SLC14A2: variants seen among roughly 807,000 people sequenced by gnomAD.
SLC14A2 encodes the protein solute carrier family 14 member 2, also known as urea transporter 2.
Under a neutral mutation model 104.6 loss-of-function variants are expected in SLC14A2, and 91 were observed. The observed-to-expected ratio is 0.87, with a 90% CI of 0.73 to 1.04. SLC14A2 has a LOEUF of 1.04. SLC14A2 is among the 50% of genes least tolerant of loss of function. The probability of loss-of-function intolerance (pLI) is 0.00; values close to 1 mark genes in which losing one functional copy is unlikely to be tolerated. For synonymous variants in SLC14A2, 476 were observed against 466.4 expected (o/e 1.02, Z -0.27); for missense variants, 1,189 against 1,156.0 (o/e 1.03, Z -0.41).
At chr18:45,651,176 T>C (rs575720633) in intron 10 of SLC14A2, among the ~76,000 whole-genome samples, 1 of 152,280 alleles carries the variant, frequency 6.6e-6, no homozygotes, top group African/African-American at 2.4e-5. Flanking sequence ...TGATCAATCA[T>C]TTGTATCTTA....
chr18:45,529,023 C>A (rs2043640565), intron 2 of SLC14A2: 1 of 152,232 alleles, frequency 6.6e-6, no homozygotes, highest in Admixed American at 6.5e-5. Flanking sequence ...GAAAGAGAGG[C>A]CACATGGAGT....
chr18:45,375,695 T>C (rs1457451745), intron 1 of SLC14A2, among the ~76,000 whole-genome samples: 1 of 152,208 alleles, frequency 6.6e-6, no homozygotes, highest in Non-Finnish European at 1.5e-5. Context: ...GTGAACCCAT[T>C]GGACAGTTAC....
At chr18:45,349,666 A>C (rs1004805381) in intron 1 of SLC14A2, among the ~76,000 whole-genome samples, 5 of 152,196 alleles carry the variant, frequency 3.3e-5, no homozygotes, top group Non-Finnish European at 7.3e-5. Flanking sequence ...AACATAACCC[A>C]TCTTGGTTAC....
intron 2 of SLC14A2, among the ~76,000 whole-genome samples, chr18:45,546,426 C>T (rs2043970131): frequency 6.6e-6 from 1 of 152,202 alleles, no homozygotes. Flanking sequence ...TGAATCGATG[C>T]AAACGAAATT....
In SLC14A2 at chr18:45,344,653, T is replaced by C. The variant is rs532275409; in HGVS notation, c.-125+131462T>C. Among the ~76,000 whole-genome samples, 7 of 152,286 alleles carry C rather than the reference T, an allele frequency of 4.6e-5. No individual in the cohort carries two copies. The East Asian group carries it at 9.6e-4, about 21-fold the overall frequency. ...TTGGAGTCAGTAAGGTACCTTATGA[T>C]AAATAAATCTCCTAATAGGGTCTTA... On this transcript the variant is annotated intron_variant, in intron 1 of 20. Coordinates refer to the SLC14A2 transcript ENST00000586448.
At chr18:45,322,058 A>C (rs2085190627) in intron 1 of SLC14A2, among the ~76,000 whole-genome samples, 1 of 152,170 alleles carries the variant, frequency 6.6e-6, no homozygotes, top group African/African-American at 2.4e-5. Flanking sequence ...CAGAACACAT[A>C]TTTAAAAGTT....
At chr18:45,494,302 A>G (rs2043053387) in intron 2 of SLC14A2, among the ~76,000 whole-genome samples, 1 of 152,200 alleles carries the variant, frequency 6.6e-6, no homozygotes, top group Admixed American at 6.5e-5. Flanking sequence ...ATCCTTCATC[A>G]TGTCCATAGT....
At chr18:45,463,977 G>T (rs1001221929) in intron 1 of SLC14A2, among the ~76,000 whole-genome samples, 1 of 152,158 alleles carries the variant, frequency 6.6e-6, no homozygotes, top group African/African-American at 2.4e-5. Flanking sequence ...TGATTACCAG[G>T]ATGTTTTGCA....
upstream of SLC14A2, chr18:45,614,848 A>C (rs1381808414): frequency 7.9e-6 from 1 of 127,024 alleles, no homozygotes; most frequent in Non-Finnish European, 1.6e-5. Flanking sequence ...CCCAGGCTGG[A>C]GTACATTGGC....
intron 1 of SLC14A2, among the ~76,000 whole-genome samples, chr18:45,324,061 T>C (rs913471003): frequency 9.2e-5 from 14 of 152,202 alleles, no homozygotes; most frequent in Admixed American, 2.6e-4. Context: ...CTTTAGTGGC[T>C]TGTGGGGTAT....
At chr18:45,593,559 G>A (rs573950678) in intron 2 of SLC14A2, among the ~76,000 whole-genome samples, 1 of 127,574 alleles carries the variant, frequency 7.8e-6, no homozygotes, top group East Asian at 2.4e-4. Flanking sequence ...GCACGATCTC[G>A]GCTCACTGCA....
rs565659101 is a variant in SLC14A2 at position 45,617,920 on chromosome 18, G to C, written c.-35+2338G>C. ...GTTGTGTTTGGTGAGCCAGAGTGAA[G>C]GACAATCAAGCAGACTGCCCTAGAA... On this transcript the variant is annotated intron_variant, in intron 1 of 19. Transcript: ENST00000255226. 5.8e-4 allele frequency among the ~76,000 whole-genome samples: 88 copies of C among 152,294 alleles called. 4 individuals are homozygous for C. The highest frequency in any genetic ancestry group is 1.8e-4 in the Non-Finnish European group (12 of 68,022).
intron 14 of SLC14A2, 89 bp from the exon 15 acceptor site, chr18:45,668,260 G>A: frequency 1.3e-6 from 2 of 1,540,200 alleles, no homozygotes; most frequent in East Asian, 2.3e-5. Context: ...GTGTAGTCAG[G>A]CCCCAGATAA....
intron 1 of SLC14A2, among the ~76,000 whole-genome samples, chr18:45,420,475 T>C (rs575279672): frequency 6.6e-6 from 1 of 152,252 alleles, no homozygotes; most frequent in South Asian, 2.1e-4. Context: ...AGGTTAAGTA[T>C]CACAGAGGTG....
At chr18:45,542,150 G>C (rs2043901496) in intron 2 of SLC14A2, 1 of 138,420 alleles carries the variant, frequency 7.2e-6, no homozygotes, top group Admixed American at 8.1e-5. Flanking sequence ...ATAGCCTCTA[G>C]CATTATCACA....
chr18:45,342,381 G>A (rs951430697), intron 1 of SLC14A2, among the ~76,000 whole-genome samples: 1 of 152,284 alleles, frequency 6.6e-6, no homozygotes, highest in Non-Finnish European at 1.5e-5. Flanking sequence ...AACAGCAGGG[G>A]GATTCCTTTG....
intron 2 of SLC14A2, among the ~76,000 whole-genome samples, chr18:45,594,916 C>T (rs1350887961): frequency 6.6e-6 from 1 of 152,152 alleles, no homozygotes; most frequent in African/African-American, 2.4e-5. Flanking sequence ...ACGCATGCCA[C>T]ACCTGCACAA....
In SLC14A2 at chr18:45,224,601, C is replaced by G. The variant is rs1042618302; in HGVS notation, c.-125+11410C>G. ...GATAGAACCACCTCTAACAGGAAAA[C>G]CAGTGCTATTTGACACTTATCTGCC... On this transcript the variant is annotated intron_variant, in intron 1 of 20. Transcript: ENST00000586448. Among the ~76,000 whole-genome samples the G allele has an allele frequency of 3.9e-5, 6 of 151,988 alleles. No homozygotes were observed. In the East Asian group the frequency reaches 1.2e-3, roughly 29 times the overall value.
At chr18:45,310,199 G>T (rs1673535169) in intron 1 of SLC14A2, among the ~76,000 whole-genome samples, 1 of 152,054 alleles carries the variant, frequency 6.6e-6, no homozygotes, top group African/African-American at 2.4e-5. Flanking sequence ...TTTCTCTAGG[G>T]TTTGCCTAAA....
Sources: gnomAD v4.1 joint callset for allele counts (sites outside exome capture counted in the v4.1 genomes callset) on GRCh38, gnomAD v4.1.1 for gene constraint, MANE v1.5 for transcripts, NCBI Gene and HGNC (gene_info 2026-07-23, HGNC 2026-07-21) for gene names.